Variants in KIF24 observed in about 807,000 individuals in gnomAD.
KIF24 encodes kinesin-like protein KIF24.
KIF24 carries 81 observed loss-of-function variants against 118.9 expected under a neutral mutation model. That is an observed-to-expected ratio of 0.68 (90% CI 0.57 to 0.82). The LOEUF is 0.82. Among genes scored for constraint, KIF24 ranks in the 40% least tolerant of loss-of-function variants. The probability of loss-of-function intolerance (pLI) is 0.00; values close to 1 mark genes in which losing one functional copy is unlikely to be tolerated. For missense variants in KIF24, 1,560 were observed against 1,661.6 expected, an observed-to-expected ratio of 0.94 and a Z score of 1.06; for synonymous variants, 599 against 610.0, an observed-to-expected ratio of 0.98 and a Z score of 0.27.
In KIF24 at chr9:34,262,862, A is replaced by G. The variant is rs567054120; in HGVS notation, c.1515+239T>C. Among the ~76,000 whole-genome samples, 7 of 151,170 alleles carry G rather than the reference A, an allele frequency of 4.6e-5. No homozygotes were observed. The East Asian group carries it at 7.8e-4, about 17-fold the overall frequency. Reference sequence around the variant, plus strand: ...GGTGACAGAGTAAGACCCTGTCTCAAAAACAACAACAAAAAGTTTTGATTT... The same window carrying G: ...GGTGACAGAGTAAGACCCTGTCTCAGAAACAACAACAAAAAGTTTTGATTT... On this transcript the variant is annotated intron_variant, in intron 9 of 12. Transcript: ENST00000402558.
chr9:34,294,606 A>G (rs1164977403), intron 4 of KIF24, among the ~76,000 whole-genome samples: 3 of 152,210 alleles, frequency 2.0e-5, no homozygotes. Context: ...AACAATGCAA[A>G]TATCTGTCAA....
intron 7 of KIF24, among the ~76,000 whole-genome samples, chr9:34,270,158 T>C (rs1488373807): frequency 6.8e-6 from 1 of 147,822 alleles, no homozygotes; most frequent in Non-Finnish European, 1.5e-5. Flanking sequence ...GAGGCGGAGG[T>C]TGCAGTGAGC....
At chr9:34,260,963 C>T (rs962206995) in intron 9 of KIF24, among the ~76,000 whole-genome samples, 1 of 151,908 alleles carries the variant, frequency 6.6e-6, no homozygotes, top group Non-Finnish European at 1.5e-5. Context: ...CAGAGTGAGA[C>T]TCCCTCTCAA....
intron 3 of KIF24, among the ~76,000 whole-genome samples, chr9:34,297,760 TAA>T (rs11381710): frequency 1.4e-5 from 2 of 142,394 alleles, no homozygotes; most frequent in Non-Finnish European, 1.5e-5. Context: ...AGATTCCATT[TAA>T]AAAAAAAAAA....
intron 4 of KIF24, among the ~76,000 whole-genome samples, chr9:34,295,101 T>G (rs1836411640): frequency 6.6e-6 from 1 of 152,070 alleles, no homozygotes; most frequent in South Asian, 2.1e-4. Context: ...CTATCATACA[T>G]GCCTACAATT....
At chr9:34,291,337 C>T (rs923040464) in intron 4 of KIF24, among the ~76,000 whole-genome samples, 3 of 152,106 alleles carry the variant, frequency 2.0e-5, no homozygotes, top group South Asian at 2.1e-4. Context: ...CACACCAAAT[C>T]TTGAGGGGAA....
chr9:34,314,983 G>A (rs184281457), intron 1 of KIF24, among the ~76,000 whole-genome samples: 2 of 152,252 alleles, frequency 1.3e-5, no homozygotes, highest in African/African-American at 2.4e-5. Flanking sequence ...GACAAAAAAC[G>A]TCACTTGCAG....
At chr9:34,321,601 TTC>T (rs780583238) in intron 1 of KIF24, among the ~76,000 whole-genome samples, 6,237 of 127,042 alleles carry the variant, frequency 0.049, 233 homozygotes, top group South Asian at 0.1. Context: ...TACATACTTC[TTC>T]TTTTTTTTTT....
chr9:34,323,748 T>C (rs776596357), intron 1 of KIF24, among the ~76,000 whole-genome samples: 1 of 152,208 alleles, frequency 6.6e-6, no homozygotes, highest in Non-Finnish European at 1.5e-5. Context: ...AGGAGTGACA[T>C]CGAGAAAGCA....
chr9:34,262,669 A>ATATGTATGTATGT (rs1563936562), intron 9 of KIF24, among the ~76,000 whole-genome samples: 1 of 39,932 alleles, frequency 2.5e-5, no homozygotes, highest in Non-Finnish European at 4.7e-5. Flanking sequence ...AAAAAAAAAA[A>ATATGTATGTATGT]AAAAAAATAT....
chr9:34,252,713 G>C lies in KIF24; in HGVS notation c.*1667C>G, dbSNP rs1164360540. ...TGGTTTGCAAAGGCAAGCCTAGACT[G>C]AGTCTTTTAAACCTGGCCCAGCTCC... On this transcript the variant is annotated 3_prime_UTR_variant, in exon 13 of 13. Coordinates refer to ENST00000402558, the MANE Select transcript of KIF24 (RefSeq NM_194313.4). The C allele has an allele frequency of 6.6e-6, 1 of 152,174 alleles. No homozygotes were observed. Among genetic ancestry groups the C allele is most frequent in the Non-Finnish European group, 1.5e-5 (1 of 68,056 alleles). The allele number at this position is 152,174 out of a possible 1,614,324, so 9.4% of individuals were successfully genotyped here.
chr9:34,315,237 T>C (rs1837295026), intron 1 of KIF24, among the ~76,000 whole-genome samples: 1 of 152,086 alleles, frequency 6.6e-6, no homozygotes, highest in Non-Finnish European at 1.5e-5. Context: ...AAAAATTATA[T>C]ATATTTCTAA....
chr9:34,331,745 A>G (rs536852395), upstream of KIF24, among the ~76,000 whole-genome samples: 73 of 152,360 alleles, frequency 4.8e-4, no homozygotes, highest in Middle Eastern at 3.4e-3. Context: ...GGATGAGATG[A>G]TCACTGAACT....
chr9:34,319,727 C>G (rs757164015), intron 1 of KIF24: 7 of 658,574 alleles, frequency 1.1e-5, no homozygotes, highest in South Asian at 7.5e-5. Context: ...TACTGGGATT[C>G]GGGGGAGGTG....
chr9:34,255,887 G>A lies in KIF24; in HGVS notation c.3720C>T (p.Asp1240=), dbSNP rs149340178. The A allele has an allele frequency of 1.9e-6, 3 of 1,614,014 alleles. No homozygotes were observed. In the Admixed American group the frequency reaches 5.0e-5, roughly 27 times the overall value. Reference sequence around the variant, plus strand: ...CACTGTTGCAGGGCAACTTGATGGGGTCTGTGGACAAACCAAACTCCTGCC... The same window carrying A: ...CACTGTTGCAGGGCAACTTGATGGGATCTGTGGACAAACCAAACTCCTGCC... ...LGWQEFGLST[D]PIKLPCNSEN... Residue 1240 remains aspartate (D), a synonymous_variant, in exon 11 of 13, where the codon GAC becomes GAT. Transcript: ENST00000402558.
intron 4 of KIF24, among the ~76,000 whole-genome samples, 191 bp downstream of exon 4, chr9:34,296,826 C>T (rs766385495): frequency 3.3e-5 from 5 of 151,904 alleles, no homozygotes; most frequent in African/African-American, 4.8e-5. Flanking sequence ...AATTTTACTG[C>T]AAATTTCTAA....
intron 5 of KIF24, among the ~76,000 whole-genome samples, chr9:34,289,535 C>T (rs1836174476): frequency 6.6e-6 from 1 of 152,168 alleles, no homozygotes; most frequent in African/African-American, 2.4e-5. Flanking sequence ...CTCTATTCTC[C>T]CATTTCCTCC....
chr9:34,269,418 T>C, intron 7 of KIF24, 56 bp from the exon 8 acceptor site: 1 of 823,706 alleles, frequency 1.2e-6, no homozygotes, highest in Non-Finnish European at 1.9e-6. Flanking sequence ...TATTTTATTT[T>C]ATTTTTATTA....
intron 6 of KIF24, among the ~76,000 whole-genome samples, chr9:34,280,574 A>G (rs911103863): frequency 1.3e-5 from 2 of 152,166 alleles, no homozygotes; most frequent in African/African-American, 4.8e-5. Context: ...AGGACTCCAC[A>G]GCAGAGGAAG....
Sources: allele counts gnomAD v4.1 joint callset (sites outside exome capture counted in the v4.1 genomes callset), GRCh38; gene constraint gnomAD v4.1.1; transcripts MANE v1.5; gene names NCBI Gene and HGNC (gene_info 2026-07-23, HGNC 2026-07-21).